The following PTPRM variants were observed in gnomAD, a reference collection of about 807,000 sequenced individuals.
The protein encoded by PTPRM is receptor-type tyrosine-protein phosphatase mu.
PTPRM carries 47 observed loss-of-function variants against 186.7 expected under a neutral mutation model. The ratio of observed to expected loss-of-function variants is 0.25; its 90% CI spans 0.20 to 0.32. The LOEUF (loss-of-function observed/expected upper bound fraction) is 0.32. Among genes scored for constraint, PTPRM ranks in the 10% least tolerant of loss-of-function variants. PTPRM has a pLI of 1.00. For synonymous variants in PTPRM, 668 were observed against 674.9 expected (o/e 0.99, Z 0.16); for missense variants, 1,494 against 1,865.0 (o/e 0.80, Z 3.66).
intron 3 of PTPRM, among the ~76,000 whole-genome samples, chr18:7,900,610 T>C (rs1217938543): frequency 6.6e-6 from 1 of 152,214 alleles, no homozygotes; most frequent in Non-Finnish European, 1.5e-5. Context: ...TGTCTCATAC[T>C]TGCTAGTTAG....
rs202111611 is a variant in PTPRM at position 8,085,842 on chromosome 18, G to A, written c.1723G>A (p.Ala575Thr). 1 of 1,613,270 alleles carries A rather than the reference G, an allele frequency of 6.2e-7. No individual in the cohort carries two copies. The highest frequency in any genetic ancestry group is 2.2e-5 in the East Asian group (1 of 44,848). ...ASTAKGFGPPATNQFTTKISA... is the reference protein window; with the variant it reads ...ASTAKGFGPPTTNQFTTKISA... ...CACAGCTAAGGGTTTTGGGCCTCCA[G>A]CAACAAACCAGTTCACCACCAAAAT... is the stretch of plus-strand genomic sequence containing the variant. The change falls in exon 10 of 33, where the codon GCA (alanine) becomes ACA (threonine). Residue 575 changes from alanine to threonine, a missense_variant. Coordinates refer to ENST00000580170, the MANE Select transcript of PTPRM (RefSeq NM_001105244.2).
intron 1 of PTPRM, among the ~76,000 whole-genome samples, chr18:7,696,181 T>C (rs1307601895): frequency 6.6e-6 from 1 of 152,180 alleles, no homozygotes; most frequent in Non-Finnish European, 1.5e-5. Context: ...CTTCTTTAAA[T>C]CAAATCATTA....
intron 5 of PTPRM, among the ~76,000 whole-genome samples, chr18:7,929,862 T>A (rs2051376823): frequency 6.6e-6 from 1 of 152,182 alleles, no homozygotes; most frequent in South Asian, 2.1e-4. Context: ...CAGGTCTTTC[T>A]AATCTAGAGT....
At chr18:7,884,670 C>T (rs1055747848) in intron 2 of PTPRM, among the ~76,000 whole-genome samples, 1 of 152,008 alleles carries the variant, frequency 6.6e-6, no homozygotes, top group South Asian at 2.1e-4. Flanking sequence ...TGCCTGTAAT[C>T]CCAGCACTTT....
chr18:7,888,445 A>G, intron 3 of PTPRM, 68 bp downstream of exon 3: 1 of 1,454,592 alleles, frequency 6.9e-7, no homozygotes, highest in Non-Finnish European at 9.1e-7. Context: ...AATTATTGTT[A>G]TATCATTATA....
At chr18:8,018,069 G>T (rs1002014709) in intron 7 of PTPRM, 1 of 152,220 alleles carries the variant, frequency 6.6e-6, no homozygotes, top group Non-Finnish European at 1.5e-5. Context: ...TGAGGAAGTG[G>T]TCTTTTTGCC....
At chr18:8,244,698 G>T (rs2094461613) in intron 15 of PTPRM, among the ~76,000 whole-genome samples, 1 of 152,172 alleles carries the variant, frequency 6.6e-6, no homozygotes, top group African/African-American at 2.4e-5. Flanking sequence ...AGCTTCACAA[G>T]TCTTATGCTT....
chr18:8,163,919 G>A (rs747196435), intron 14 of PTPRM, among the ~76,000 whole-genome samples: 26 of 152,106 alleles, frequency 1.7e-4, no homozygotes, highest in East Asian at 7.7e-4. Context: ...TAGTTAAATC[G>A]AGGACACTAG....
chr18:7,694,481 C>G (rs547387635), intron 1 of PTPRM, among the ~76,000 whole-genome samples: 23 of 148,162 alleles, frequency 1.6e-4, no homozygotes, highest in African/African-American at 5.5e-4. Context: ...GGCTGGACTG[C>G]GGTAGTGCGG....
chr18:8,048,938 C>T (rs535000718), intron 7 of PTPRM, among the ~76,000 whole-genome samples: 9 of 152,124 alleles, frequency 5.9e-5, no homozygotes, highest in East Asian at 1.9e-4. Context: ...ATATCAGTTC[C>T]GGGTAAAATA....
At chr18:7,751,714 A>G (rs1323101300) in intron 1 of PTPRM, among the ~76,000 whole-genome samples, 1 of 152,170 alleles carries the variant, frequency 6.6e-6, no homozygotes, top group African/African-American at 2.4e-5. Context: ...AATGAGACCC[A>G]TCTTTTCGGT....
chr18:8,311,361 T>C (rs1016171273), intron 20 of PTPRM, among the ~76,000 whole-genome samples: 1 of 150,472 alleles, frequency 6.6e-6, no homozygotes, highest in Non-Finnish European at 1.5e-5. Context: ...CCATTCAAGG[T>C]ATCTTGGATG....
intron 23 of PTPRM, among the ~76,000 whole-genome samples, chr18:8,354,512 T>C (rs1165758172): frequency 3.3e-5 from 5 of 152,066 alleles, no homozygotes; most frequent in South Asian, 4.2e-4. Context: ...GAGAGCAAGG[T>C]AGAGAGAAAG....
chr18:8,186,978 T>C (rs561498842), intron 14 of PTPRM, among the ~76,000 whole-genome samples: 81 of 151,452 alleles, frequency 5.3e-4, no homozygotes, highest in African/African-American at 2.0e-3. Flanking sequence ...TCTCGCTCTG[T>C]TGTGCAGGCT....
chr18:8,289,575 T>TATATATATACACATATATATATACAC (rs1555845744), intron 19 of PTPRM, among the ~76,000 whole-genome samples: 4 of 109,208 alleles, frequency 3.7e-5, no homozygotes, highest in African/African-American at 1.8e-4. Flanking sequence ...TATATATATA[T>TATATATATACACATATATATATACAC]ACATATATAT....
At chr18:8,122,929 G>C (rs995246402) in intron 13 of PTPRM, among the ~76,000 whole-genome samples, 4 of 152,188 alleles carry the variant, frequency 2.6e-5, no homozygotes, top group African/African-American at 9.7e-5. Context: ...TGGCATATCT[G>C]CAAGTCAAAT....
chr18:8,285,504 G>T (rs2094946431), intron 19 of PTPRM, among the ~76,000 whole-genome samples: 1 of 152,200 alleles, frequency 6.6e-6, no homozygotes, highest in Non-Finnish European at 1.5e-5. Context: ...AAAGTGATTG[G>T]CTTTCCCGTT....
chr18:8,386,143 G>T (rs2148542410), intron 30 of PTPRM, among the ~76,000 whole-genome samples: 1 of 152,242 alleles, frequency 6.6e-6, no homozygotes, highest in African/African-American at 2.4e-5. Context: ...TACTAGGTTT[G>T]GGATGACTTT....
chr18:7,710,174 A>C (rs1466744984), intron 1 of PTPRM, among the ~76,000 whole-genome samples: 4 of 152,242 alleles, frequency 2.6e-5, no homozygotes, highest in African/African-American at 9.6e-5. Context: ...CAAATCCAAC[A>C]GCGTATCAAA....
Sources: gnomAD v4.1 joint callset for allele counts (sites outside exome capture counted in the v4.1 genomes callset) on GRCh38, gnomAD v4.1.1 for gene constraint, MANE v1.5 for transcripts, NCBI Gene and HGNC (gene_info 2026-07-23, HGNC 2026-07-21) for gene names.